CNTN1: variants seen among roughly 807,000 people sequenced by gnomAD.
The protein encoded by CNTN1 is contactin-1.
A neutral mutation model predicts 126.4 loss-of-function variants in CNTN1; 38 were observed. The ratio of observed to expected loss-of-function variants is 0.30; its 90% confidence interval spans 0.23 to 0.39. The LOEUF is 0.39. CNTN1 is among the 10% of genes least tolerant of loss of function. CNTN1 has a pLI of 1.00. For synonymous variants in CNTN1, 413 were observed against 422.6 expected (o/e 0.98, Z 0.28); for missense variants, 1,009 against 1,248.4 (o/e 0.81, Z 2.89).
intron 23 of CNTN1, among the ~76,000 whole-genome samples, chr12:41,054,359 T>C (rs2121052669): frequency 6.6e-6 from 1 of 152,110 alleles, no homozygotes; most frequent in Non-Finnish European, 1.5e-5. Context: ...ATTAAGTAGA[T>C]ATTGTTGTCA....
chr12:40,872,988 C>T (rs1298240490), intron 1 of CNTN1, among the ~76,000 whole-genome samples: 2 of 151,992 alleles, frequency 1.3e-5, no homozygotes, highest in East Asian at 3.9e-4. Context: ...TGCCTCAAAC[C>T]ATAAGAAGGT....
At chr12:40,883,570 T>TA (rs1477792956) in intron 1 of CNTN1, among the ~76,000 whole-genome samples, 4 of 151,284 alleles carry the variant, frequency 2.6e-5, no homozygotes, top group South Asian at 2.1e-4. Context: ...ATGTTTGATA[T>TA]AAAAAAAAGA....
chr12:40,706,280 T>G (rs935374758), intron 1 of CNTN1, among the ~76,000 whole-genome samples: 1 of 124,646 alleles, frequency 8.0e-6, no homozygotes, highest in African/African-American at 3.0e-5. Flanking sequence ...CCTGATGCTT[T>G]AACCAGAGAG....
At chr12:40,827,578 A>T (rs1941656010) in intron 1 of CNTN1, among the ~76,000 whole-genome samples, 2 of 152,174 alleles carry the variant, frequency 1.3e-5, no homozygotes, top group Non-Finnish European at 2.9e-5. Context: ...ATCAGCCTAA[A>T]CTTGCAGAAA....
intron 23 of CNTN1, among the ~76,000 whole-genome samples, chr12:41,044,615 A>C (rs1949501413): frequency 6.6e-6 from 1 of 152,118 alleles, no homozygotes; most frequent in African/African-American, 2.4e-5. Flanking sequence ...CTAAATTTAG[A>C]ATGTTATACT....
intron 1 of CNTN1, among the ~76,000 whole-genome samples, chr12:40,866,729 A>G (rs1943311316): frequency 6.6e-6 from 1 of 152,050 alleles, no homozygotes; most frequent in Non-Finnish European, 1.5e-5. Flanking sequence ...TTTGTTGATA[A>G]TTTTTACATT....
intron 1 of CNTN1, among the ~76,000 whole-genome samples, chr12:40,775,637 A>G (rs1939549128): frequency 6.6e-6 from 1 of 151,606 alleles, no homozygotes; most frequent in Non-Finnish European, 1.5e-5. Context: ...AAGTCTGGAA[A>G]TCAGCAATTC....
intron 9 of CNTN1, among the ~76,000 whole-genome samples, chr12:40,935,477 A>G (rs1946049139): frequency 6.6e-6 from 1 of 152,062 alleles, no homozygotes; most frequent in Non-Finnish European, 1.5e-5. Context: ...CATACTAAGT[A>G]TTATCTTTAG....
rs561393436 is a variant in CNTN1, at chr12:40,868,072, TG to T, written c.-76-40284del. ...TGCTTTGAGAAGTTAAAAGTGTTAT[TG>T]AGTCCCAACTTACTAAGATCTTTTA... is the stretch of plus-strand genomic sequence containing the variant. On this transcript the variant is annotated intron_variant, in intron 1 of 23. Coordinates refer to ENST00000551295, the MANE Select transcript of CNTN1 (RefSeq NM_001843.4). 4.2e-3 allele frequency among the ~76,000 whole-genome samples: 642 copies of T among 152,108 alleles called. 3 individuals are homozygous for T. The highest frequency in any genetic ancestry group is 0.014 in the African/African-American group (600 of 41,534).
chr12:40,959,151 A>G lies in CNTN1; in HGVS notation c.1721A>G (p.Gln574Arg), dbSNP rs1442514142. 2.5e-6 allele frequency: 4 copies of G among 1,612,730 alleles called. No individual in the cohort carries two copies. ...SNGELLIRNA[Q>R]LKHAGRYTCT... ...GGGGAATTACTAATCCGAAATGCGC[A>G]GCTGAAACATGCTGGAAGATACACA... is the stretch of plus-strand genomic sequence containing the variant. Residue 574 changes from glutamine to arginine, a missense_variant, in exon 15 of 24, where the codon CAG (glutamine) becomes CGG (arginine). Gln to Arg is a conservative substitution (Grantham distance 43, BLOSUM62 1). Coordinates refer to ENST00000551295, the MANE Select transcript of CNTN1 (RefSeq NM_001843.4).
At chr12:40,974,338 G>A (rs1947612532) in intron 15 of CNTN1, among the ~76,000 whole-genome samples, 1 of 151,998 alleles carries the variant, frequency 6.6e-6, no homozygotes, top group Non-Finnish European at 1.5e-5. Flanking sequence ...GATTGGCCAG[G>A]CATGATGGTA....
intron 1 of CNTN1, among the ~76,000 whole-genome samples, chr12:40,853,983 A>G (rs1344683923): frequency 1.3e-5 from 2 of 149,988 alleles, no homozygotes; most frequent in Non-Finnish European, 3.0e-5. Flanking sequence ...TAATTTTCCA[A>G]ATATTTTCTC....
At chr12:40,847,864 T>G (rs924110573) in intron 1 of CNTN1, among the ~76,000 whole-genome samples, 1 of 152,188 alleles carries the variant, frequency 6.6e-6, no homozygotes, top group Non-Finnish European at 1.5e-5. Flanking sequence ...AGGATGGTTT[T>G]GGGATGAAAC....
intron 9 of CNTN1, among the ~76,000 whole-genome samples, chr12:40,934,104 T>C (rs1389013514): frequency 6.6e-6 from 1 of 152,086 alleles, no homozygotes; most frequent in African/African-American, 2.4e-5. Flanking sequence ...TAGCAATAGA[T>C]TGATAGAAGT....
At chr12:40,738,155 C>A (rs1937775460) in intron 1 of CNTN1, among the ~76,000 whole-genome samples, 1 of 151,886 alleles carries the variant, frequency 6.6e-6, no homozygotes, top group African/African-American at 2.4e-5. Context: ...TATCACATAC[C>A]AAATTTAGCA....
chr12:40,778,596 A>G (rs1298805812), intron 1 of CNTN1, among the ~76,000 whole-genome samples: 1 of 151,876 alleles, frequency 6.6e-6, no homozygotes, highest in African/African-American at 2.4e-5. Flanking sequence ...CTTTCAAAGT[A>G]TCTTTTATGA....
In CNTN1 at chr12:41,014,243, C is replaced by T. The variant is rs757127188; in HGVS notation, c.2129C>T (p.Pro710Leu). ...KTDGAAPNVA[P>L]SDVGGGGGRN... is the part of the protein sequence containing the mutation. ...TTTGTTTCAGCACCAAATGTGGCTC[C>T]TTCAGATGTAGGAGGTGGAGGTGGA... Residue 710 changes from proline to leucine, a missense_variant, in exon 18 of 24, where the codon CCT becomes CTT. By Grantham distance (98) the Pro-to-Leu change is moderately conservative. Coordinates refer to ENST00000551295, the MANE Select transcript of CNTN1 (RefSeq NM_001843.4). 6.2e-7 allele frequency: 1 copy of T among 1,613,960 alleles called. No homozygotes were observed. The highest frequency in any genetic ancestry group is 2.2e-5 in the East Asian group (1 of 44,870).
chr12:41,039,453 T>A (rs1271483970), intron 23 of CNTN1, among the ~76,000 whole-genome samples: 1 of 152,188 alleles, frequency 6.6e-6, no homozygotes, highest in Non-Finnish European at 1.5e-5. Context: ...ACCAGCACAA[T>A]CATCTCCTGA....
chr12:41,053,701 CAT>C (rs1949739153), intron 23 of CNTN1, among the ~76,000 whole-genome samples: 1 of 151,028 alleles, frequency 6.6e-6, no homozygotes, highest in Non-Finnish European at 1.5e-5. Context: ...AAATAACTAA[CAT>C]ATATTTAAAT....
Sources: allele counts gnomAD v4.1 joint callset (sites outside exome capture counted in the v4.1 genomes callset), GRCh38; gene constraint gnomAD v4.1.1; transcripts MANE v1.5; gene names NCBI Gene and HGNC (gene_info 2026-07-23, HGNC 2026-07-21).